Variants in TRPC4 observed in about 807,000 individuals in gnomAD.
The protein encoded by TRPC4 is short transient receptor potential channel 4.
TRPC4 carries 49 observed loss-of-function variants against 99.4 expected under a neutral mutation model. That is an observed-to-expected ratio of 0.49 (90% confidence interval 0.39 to 0.63). TRPC4 has a LOEUF of 0.63. TRPC4 is among the 20% of genes least tolerant of loss of function. TRPC4 has a pLI of 0.00. For missense variants in TRPC4, 898 were observed against 1,152.9 expected (o/e 0.78, Z 3.20); for synonymous variants, 454 against 425.9 (o/e 1.07, Z -0.81).
intron 1 of TRPC4, among the ~76,000 whole-genome samples, chr13:37,806,102 G>A (rs2139451457): frequency 6.6e-6 from 1 of 152,076 alleles, no homozygotes; most frequent in African/African-American, 2.4e-5. Context: ...TGAGTTTGAT[G>A]AGTTCAGCTA....
rs769355968 is a variant in TRPC4 at position 37,783,355 on chromosome 13, T to C, written c.-22A>G. 1 of 1,520,148 alleles carries C rather than the reference T, an allele frequency of 6.6e-7. No individual in the cohort carries two copies. The highest frequency in any genetic ancestry group is 2.2e-5 in the Admixed American group (1 of 45,594). 94.2% of individuals were successfully genotyped at this position (1,520,148 alleles called of 1,614,324 possible). ...CCATGTTTCATGCCATGCTATTTCT[T>C]CGTCTCTGAAAGTAGAAACAAAAAA... On this transcript the variant is annotated 5_prime_UTR_variant, in exon 2 of 11. Coordinates refer to ENST00000379705, the MANE Select transcript of TRPC4 (RefSeq NM_016179.4).
intron 8 of TRPC4, among the ~76,000 whole-genome samples, chr13:37,648,345 A>G (rs1380654100): frequency 6.6e-6 from 1 of 152,212 alleles, no homozygotes; most frequent in Non-Finnish European, 1.5e-5. Context: ...AGGCATCTGA[A>G]AACAATATGT....
intron 1 of TRPC4, among the ~76,000 whole-genome samples, chr13:37,786,799 G>A (rs1014905726): frequency 6.6e-6 from 1 of 152,024 alleles, no homozygotes; most frequent in Non-Finnish European, 1.5e-5. Flanking sequence ...TGACTGATTG[G>A]TCAAATTATA....
chr13:37,662,560 T>C (rs1234768073), intron 6 of TRPC4, among the ~76,000 whole-genome samples: 1 of 152,170 alleles, frequency 6.6e-6, no homozygotes, highest in Non-Finnish European at 1.5e-5. Context: ...GAAATTACCA[T>C]CCTCTCTTAT....
At chr13:37,701,931 T>C (rs190746244) in intron 3 of TRPC4, among the ~76,000 whole-genome samples, 2 of 152,308 alleles carry the variant, frequency 1.3e-5, no homozygotes, top group East Asian at 3.9e-4. Flanking sequence ...TACCATAAAT[T>C]AGGTGGCTTA....
intron 3 of TRPC4, among the ~76,000 whole-genome samples, chr13:37,743,991 G>A (rs550481361): frequency 6.6e-6 from 1 of 152,240 alleles, no homozygotes; most frequent in East Asian, 1.9e-4. Context: ...GAGACCTAAA[G>A]AGCAACAGGT....
intron 2 of TRPC4, among the ~76,000 whole-genome samples, chr13:37,755,157 C>T (rs2139210590): frequency 6.6e-6 from 1 of 151,968 alleles, no homozygotes; most frequent in African/African-American, 2.4e-5. Context: ...CTATTAAATT[C>T]AGTTTTTATA....
At chr13:37,782,128 G>A (rs1402091109) in intron 2 of TRPC4, among the ~76,000 whole-genome samples, 3 of 152,072 alleles carry the variant, frequency 2.0e-5, no homozygotes, top group African/African-American at 7.2e-5. Flanking sequence ...GACGAGTACA[G>A]TGTGAAAGGA....
intron 3 of TRPC4, among the ~76,000 whole-genome samples, chr13:37,703,524 T>C (rs1954170736): frequency 6.6e-6 from 1 of 152,162 alleles, no homozygotes; most frequent in African/African-American, 2.4e-5. Flanking sequence ...GGGACTAAAA[T>C]TTGAAGAGAC....
intron 6 of TRPC4, among the ~76,000 whole-genome samples, chr13:37,657,877 T>G (rs1952291908): frequency 6.6e-6 from 1 of 152,174 alleles, no homozygotes; most frequent in African/African-American, 2.4e-5. Context: ...TTCTTTTATT[T>G]TCCTTCTTTT....
At position 37,782,995 on chromosome 13, in the gene TRPC4, C is replaced by A; in HGVS notation, c.339G>T (p.Glu113Asp). 1.9e-6 allele frequency: 3 copies of A among 1,593,278 alleles called. No individual in the cohort carries two copies. Among genetic ancestry groups the A allele is most frequent in the Non-Finnish European group, 2.6e-6 (3 of 1,169,840 alleles). ...AIRKEVVGAVELLLNHKKPSG... is the reference protein window; with the variant it reads ...AIRKEVVGAVDLLLNHKKPSG... ...TAGGTTTTTTGTGGTTCAATAACAG[C>A]TCAACAGCTCCGACGACTTCTTTTC... Residue 113 changes from glutamate to aspartate, a missense_variant, in exon 2 of 11, where the codon GAG (glutamate) becomes GAT (aspartate). This residue lies in a region of TRPC4 where 278 missense variants were observed against 346.6 expected (regional missense o/e 0.80). Transcript: ENST00000379705.
intron 3 of TRPC4, among the ~76,000 whole-genome samples, chr13:37,716,007 T>C (rs1298336409): frequency 6.6e-6 from 1 of 152,206 alleles, no homozygotes; most frequent in East Asian, 1.9e-4. Flanking sequence ...GCATTTTGCA[T>C]GTCCTTTTTA....
chr13:37,755,765 G>T (rs528351159), intron 2 of TRPC4, among the ~76,000 whole-genome samples: 1 of 152,200 alleles, frequency 6.6e-6, no homozygotes, highest in South Asian at 2.1e-4. Flanking sequence ...AGGGGCATTT[G>T]TTATATGCAA....
chr13:37,807,854 C>G (rs1419930578), intron 1 of TRPC4, among the ~76,000 whole-genome samples: 1 of 152,008 alleles, frequency 6.6e-6, no homozygotes, highest in African/African-American at 2.4e-5. Context: ...ATTTTGAGAT[C>G]TTCCATTAAA....
At chr13:37,710,896 G>T (rs915117232) in intron 3 of TRPC4, among the ~76,000 whole-genome samples, 11 of 151,860 alleles carry the variant, frequency 7.2e-5, no homozygotes, top group Middle Eastern at 3.2e-3. Context: ...AGGTAATTGA[G>T]AAATAAGCTT....
chr13:37,781,806 C>A (rs1452543954), intron 2 of TRPC4, among the ~76,000 whole-genome samples: 2 of 151,886 alleles, frequency 1.3e-5, no homozygotes, highest in Non-Finnish European at 2.9e-5. Context: ...AAAAAAGGGA[C>A]CATAAAAACA....
intron 3 of TRPC4, among the ~76,000 whole-genome samples, chr13:37,718,470 A>G (rs1057224619): frequency 3.9e-5 from 6 of 152,044 alleles, no homozygotes; most frequent in Non-Finnish European, 7.4e-5. Flanking sequence ...GACCCAGATA[A>G]TGGATTTAGC....
At chr13:37,726,707 G>A (rs1014557936) in intron 3 of TRPC4, among the ~76,000 whole-genome samples, 2 of 151,986 alleles carry the variant, frequency 1.3e-5, no homozygotes, top group Admixed American at 1.3e-4. Flanking sequence ...CTTTCTACAA[G>A]AGACTCACCT....
rs114797528 is a variant in TRPC4, at chr13:37,704,382, T to C, written c.898-12047A>G. 4.6e-5 allele frequency among the ~76,000 whole-genome samples: 7 copies of C among 152,254 alleles called. No individual in the cohort carries two copies. In the East Asian group the frequency reaches 1.4e-3, roughly 29 times the overall value. ...TAATTGTATGTCAATTTTCCTTCAATAAAGTTGCTATAAAATAAGTCTGGC... is the reference window on the plus strand; with the variant it reads ...TAATTGTATGTCAATTTTCCTTCAACAAAGTTGCTATAAAATAAGTCTGGC... On this transcript the variant is annotated intron_variant, in intron 3 of 10. Coordinates refer to ENST00000379705, the MANE Select transcript of TRPC4 (RefSeq NM_016179.4).
Sources: allele counts gnomAD v4.1 joint callset (sites outside exome capture counted in the v4.1 genomes callset), GRCh38; gene constraint gnomAD v4.1.1; regional missense constraint gnomAD v4.1.1; transcripts MANE v1.5; gene names NCBI Gene and HGNC (gene_info 2026-07-23, HGNC 2026-07-21).